Variants in SAMD4A observed in about 807,000 individuals in gnomAD.
SAMD4A encodes the protein protein Smaug homolog 1.
Under a neutral mutation model 81.3 loss-of-function variants are expected in SAMD4A, and 33 were observed. The ratio of observed to expected loss-of-function variants is 0.41; its 90% CI spans 0.31 to 0.54. The LOEUF is 0.54. Among genes scored for constraint, SAMD4A ranks in the 20% least tolerant of loss-of-function variants. SAMD4A has a pLI of 0.37. For synonymous variants in SAMD4A, 389 were observed against 382.1 expected, an observed-to-expected ratio of 1.02 and a Z score of -0.21; for missense variants, 854 against 951.1, an observed-to-expected ratio of 0.90 and a Z score of 1.34.
rs2039230744 is a variant in SAMD4A, at chr14:54,789,919, T to A, written c.*975T>A. The A allele has an allele frequency of 6.6e-6, 1 of 152,216 alleles. No individual in the cohort carries two copies. Among genetic ancestry groups the A allele is most frequent in the South Asian group, 2.1e-4 (1 of 4,828 alleles). The allele number at this position is 152,216 out of a possible 1,614,324, so 9.4% of individuals were successfully genotyped here. A position where few individuals can be genotyped will look rare whatever the true frequency, so the allele number is the denominator to read the frequency against. The stretch of plus-strand genomic sequence containing the variant: ...AGGGCACCCAGAGATTCTCAAAGAA[T>A]CCTGCAGCCTCTTTCTGTGCTGGAT... On this transcript the variant is annotated 3_prime_UTR_variant, in exon 13 of 13. Coordinates refer to ENST00000554335, the MANE Select transcript of SAMD4A (RefSeq NM_015589.6).
At chr14:54,621,564 G>A (rs897529455) in intron 2 of SAMD4A, among the ~76,000 whole-genome samples, 2 of 148,744 alleles carry the variant, frequency 1.3e-5, no homozygotes, top group African/African-American at 5.0e-5. Context: ...GTCTCACCAT[G>A]TTGCCCAGGC....
chr14:54,726,093 A>T (rs1566606058), intron 3 of SAMD4A, among the ~76,000 whole-genome samples: 1 of 151,902 alleles, frequency 6.6e-6, no homozygotes, highest in East Asian at 1.9e-4. Context: ...CTAGAATGCA[A>T]TTTTTTACCA....
intron 11 of SAMD4A, among the ~76,000 whole-genome samples, chr14:54,778,112 C>T (rs2038906421): frequency 6.6e-6 from 1 of 152,212 alleles, no homozygotes; most frequent in Non-Finnish European, 1.5e-5. Context: ...GTCTCACCAG[C>T]AGAGTGACCA....
intron 7 of SAMD4A, among the ~76,000 whole-genome samples, chr14:54,762,322 CT>C (rs1311061287): frequency 1.3e-5 from 2 of 152,156 alleles, no homozygotes; most frequent in African/African-American, 4.8e-5. Flanking sequence ...AATTTTTTCT[CT>C]GTTATTGTCC....
intron 3 of SAMD4A, among the ~76,000 whole-genome samples, chr14:54,706,701 G>C (rs2140776924): frequency 6.6e-6 from 1 of 152,154 alleles, no homozygotes; most frequent in East Asian, 1.9e-4. Context: ...AAAGAGGAAG[G>C]AGAGTCTGGA....
At chr14:54,686,019 A>G in intron 2 of SAMD4A, 1 of 372,812 alleles carries the variant, frequency 2.7e-6, no homozygotes, top group African/African-American at 2.1e-5. Context: ...AGTCTCAGGG[A>G]GATCTTTCTA....
intron 12 of SAMD4A, among the ~76,000 whole-genome samples, chr14:54,788,339 G>A (rs2039192473): frequency 6.6e-6 from 1 of 152,070 alleles, no homozygotes; most frequent in South Asian, 2.1e-4. Flanking sequence ...CGTGTCCGTT[G>A]CAGCCCCTGC....
intron 6 of SAMD4A, among the ~76,000 whole-genome samples, chr14:54,752,253 A>G (rs925190548): frequency 2.6e-5 from 4 of 152,210 alleles, no homozygotes; most frequent in Non-Finnish European, 4.4e-5. Flanking sequence ...CCTGGTAACA[A>G]TGTCATTTTT....
At chr14:54,689,531 A>G (rs969780003) in intron 2 of SAMD4A, 1 of 152,258 alleles carries the variant, frequency 6.6e-6, no homozygotes, top group Non-Finnish European at 1.5e-5. Flanking sequence ...GAATTGCCCA[A>G]GTTCACACAG....
chr14:54,674,182 C>T (rs761969851), intron 2 of SAMD4A, among the ~76,000 whole-genome samples: 13 of 152,198 alleles, frequency 8.5e-5, no homozygotes, highest in African/African-American at 2.7e-4. Flanking sequence ...CCTGCAGAGT[C>T]GGCAAGAAGC....
intron 4 of SAMD4A, 139 bp from the exon 5 acceptor site, chr14:54,748,676 G>C (rs749681832): frequency 4.9e-6 from 3 of 618,510 alleles, no homozygotes; most frequent in Non-Finnish European, 8.6e-6. Context: ...TAAATACATA[G>C]TAACATAAAG....
intron 2 of SAMD4A, among the ~76,000 whole-genome samples, chr14:54,602,321 AATACACAC>A (rs1566541616): frequency 3.6e-5 from 4 of 110,896 alleles, no homozygotes; most frequent in South Asian, 6.4e-4. Flanking sequence ...ACTGCTTTAA[AATACACAC>A]ACACACACAC....
At chr14:54,612,510 G>A (rs1427980906) in intron 2 of SAMD4A, among the ~76,000 whole-genome samples, 1 of 151,948 alleles carries the variant, frequency 6.6e-6, no homozygotes, top group Non-Finnish European at 1.5e-5. Flanking sequence ...TCTAATTTCT[G>A]TTTCTTGAAT....
rs74744873 is a variant in SAMD4A at position 54,772,095 on chromosome 14, A to G, written c.1715+1873A>G. Among the ~76,000 whole-genome samples, 175 of 152,348 alleles carry G rather than the reference A, an allele frequency of 1.1e-3. No homozygotes were observed. The East Asian group carries it at 0.029, about 25-fold the overall frequency. On this transcript the variant is annotated intron_variant, in intron 9 of 12. Transcript: ENST00000554335. ...ATTTCCTCTGGGATCTTTTTGTGCTATTAATTTGCTTTGAAGACCTGTTTC... is the reference window on the plus strand; with the variant it reads ...ATTTCCTCTGGGATCTTTTTGTGCTGTTAATTTGCTTTGAAGACCTGTTTC...
chr14:54,614,431 G>C (rs1422822753), intron 2 of SAMD4A, among the ~76,000 whole-genome samples: 1 of 152,112 alleles, frequency 6.6e-6, no homozygotes. Context: ...TGAGGACCAT[G>C]GCTTTAAAGT....
intron 3 of SAMD4A, among the ~76,000 whole-genome samples, chr14:54,724,318 C>T (rs180938220): frequency 5.3e-5 from 8 of 152,296 alleles, no homozygotes. Flanking sequence ...TGAACTCTGG[C>T]TCTTTCCACT....
upstream of SAMD4A, among the ~76,000 whole-genome samples, chr14:54,565,362 A>T (rs1469014994): frequency 1.3e-5 from 2 of 152,192 alleles, no homozygotes; most frequent in East Asian, 3.9e-4. This position sits in a 1 kb window ranked among gnomAD's most constrained non-coding sequence, Gnocchi z 5.4. Context: ...GACCGGTCTC[A>T]GGAGTTCGGC....
intron 6 of SAMD4A, among the ~76,000 whole-genome samples, chr14:54,752,272 A>AT (rs1454912421): frequency 6.6e-6 from 1 of 152,224 alleles, no homozygotes; most frequent in Non-Finnish European, 1.5e-5. Context: ...TTAGGACTTA[A>AT]TGATGACATG....
chr14:54,760,088 G>A (rs543578754), intron 6 of SAMD4A, 73 bp from the exon 7 acceptor site: 5 of 1,482,030 alleles, frequency 3.4e-6, no homozygotes, highest in Non-Finnish European at 4.6e-6. Context: ...CTCAGGGCAG[G>A]GGAGGGCAGG....
Sources: allele counts gnomAD v4.1 joint callset (sites outside exome capture counted in the v4.1 genomes callset), GRCh38; gene constraint gnomAD v4.1.1; non-coding constraint Gnocchi (gnomAD v3.1); transcripts MANE v1.5; gene names NCBI Gene and HGNC (gene_info 2026-07-23, HGNC 2026-07-21).